The following GFPT1 variants were observed in gnomAD, a reference collection of about 807,000 sequenced individuals.
The protein encoded by GFPT1 is glutamine--fructose-6-phosphate aminotransferase [isomerizing] 1.
Under a neutral mutation model 92.0 loss-of-function variants are expected in GFPT1, and 40 were observed. That is an observed-to-expected ratio of 0.43 (90% CI 0.34 to 0.57). GFPT1 has a LOEUF of 0.57. Among genes scored for constraint, GFPT1 ranks in the 20% least tolerant of loss-of-function variants. The probability of loss-of-function intolerance (pLI) is 0.02; values close to 1 mark genes in which losing one functional copy is unlikely to be tolerated. For missense variants in GFPT1, 448 were observed against 869.1 expected, an observed-to-expected ratio of 0.52 and a Z score of 6.09; for synonymous variants, 269 against 280.6, an observed-to-expected ratio of 0.96 and a Z score of 0.41.
chr2:69,370,519 A>G (rs759337846), intron 2 of GFPT1, among the ~76,000 whole-genome samples: 51 of 152,228 alleles, frequency 3.4e-4, no homozygotes, highest in Non-Finnish European at 6.2e-4. Context: ...GGAATTTGAA[A>G]AAGCTACCCT....
chr2:69,387,057 C>G lies in GFPT1; in HGVS notation c.7+8G>C. 1 of 1,534,536 alleles carries G rather than the reference C, an allele frequency of 6.5e-7. No homozygotes were observed. The highest frequency in any genetic ancestry group is 8.7e-7 in the Non-Finnish European group (1 of 1,143,754). ...CGGCAACACGCCCCCCGCTCCCGGC[C>G]CCCTTACCACACATGATGCCGGAGA... On this transcript the variant is annotated splice_region_variant and intron_variant, in intron 1 of 19. Coordinates refer to ENST00000357308, the MANE Select transcript of GFPT1 (RefSeq NM_001244710.2).
chr2:69,340,525 A>G (rs1337583991), intron 13 of GFPT1, among the ~76,000 whole-genome samples: 1 of 152,198 alleles, frequency 6.6e-6, no homozygotes, highest in Middle Eastern at 3.2e-3. Context: ...AGTTATTTAT[A>G]TCCTACTGCT....
At chr2:69,366,098 G>A (rs895807489) in intron 3 of GFPT1, among the ~76,000 whole-genome samples, 2 of 151,746 alleles carry the variant, frequency 1.3e-5, no homozygotes, top group Non-Finnish European at 2.9e-5. Context: ...ACAGGCGTGA[G>A]CCACCACGCC....
At position 69,356,421 on chromosome 2, in the gene GFPT1, T is replaced by C. The variant is rs995639415; in HGVS notation, c.605+75A>G. 5.2e-4 allele frequency: 520 copies of C among 991,792 alleles called. 2 individuals carry two copies. The highest frequency in any genetic ancestry group is 4.9e-4 in the Non-Finnish European group (299 of 610,894). The allele number at this position is 991,792 out of a possible 1,614,324, so 61.4% of individuals were successfully genotyped here. On this transcript the variant is annotated intron_variant, in intron 7 of 19. Coordinates refer to ENST00000357308, the MANE Select transcript of GFPT1 (RefSeq NM_001244710.2). ...GCAGAGCCTTTATAATAAAGGGTCA[T>C]GTATAGTCTACGAAGAATAAACATG...
chr2:69,339,451 A>G (rs925814708), intron 13 of GFPT1, among the ~76,000 whole-genome samples: 2 of 152,176 alleles, frequency 1.3e-5, no homozygotes, highest in African/African-American at 4.8e-5. Context: ...TTTAACCTTC[A>G]TTTCAGTAAA....
chr2:69,371,979 A>T (rs1009280600), intron 2 of GFPT1, among the ~76,000 whole-genome samples: 1 of 151,688 alleles, frequency 6.6e-6, no homozygotes, highest in Admixed American at 6.6e-5. Context: ...AGGCGGGCAG[A>T]TCACGAGGTC....
At chr2:69,330,082 G>A (rs1031836822) in intron 15 of GFPT1, among the ~76,000 whole-genome samples, 1 of 152,206 alleles carries the variant, frequency 6.6e-6, no homozygotes, top group East Asian at 1.9e-4. Context: ...GCTGGGTGTG[G>A]TGGTGTGCAC....
intron 18 of GFPT1, among the ~76,000 whole-genome samples, chr2:69,327,776 A>C (rs1047471800): frequency 6.6e-6 from 1 of 152,192 alleles, no homozygotes; most frequent in East Asian, 1.9e-4. Context: ...GTTCTGCCCA[A>C]TATGAGATCT....
rs541862519 is a variant in GFPT1, at chr2:69,344,099, A to G, written c.1105+1805T>C. Among the ~76,000 whole-genome samples the G allele has an allele frequency of 2.7e-5, 4 of 147,998 alleles. No homozygotes were observed. In the South Asian group the frequency reaches 8.7e-4, roughly 32 times the overall value. On this transcript the variant is annotated intron_variant, in intron 12 of 19. Transcript: ENST00000357308. ...AGTGTTTTCCACAGACCTTGGCATT[A>G]ATTACAAATGTTTGAGAAGAAAGGA...
At chr2:69,381,839 C>A (rs577469801) in intron 1 of GFPT1, among the ~76,000 whole-genome samples, 10 of 150,458 alleles carry the variant, frequency 6.6e-5, no homozygotes, top group African/African-American at 2.5e-4. Flanking sequence ...CAGGTGTAAG[C>A]CAAAACACTG....
chr2:69,356,569 A>G lies in GFPT1; in HGVS notation c.544-12T>C. The G allele has an allele frequency of 6.2e-7, 1 of 1,600,636 alleles. No individual in the cohort carries two copies. The highest frequency in any genetic ancestry group is 8.6e-7 in the Non-Finnish European group (1 of 1,167,784). ...GCAAAAGCACCTTCCTAGGGAGGGA[A>G]AAAAATCCATTAGCACTATTTAATC... is the stretch of plus-strand genomic sequence containing the variant. On this transcript the variant is annotated splice_polypyrimidine_tract_variant and intron_variant, in intron 6 of 19. Coordinates refer to ENST00000357308, the MANE Select transcript of GFPT1 (RefSeq NM_001244710.2).
chr2:69,355,995 T>A (rs2104651063), intron 7 of GFPT1, among the ~76,000 whole-genome samples: 1 of 142,744 alleles, frequency 7.0e-6, no homozygotes, highest in South Asian at 2.3e-4. Context: ...TTTTTTTTTT[T>A]TTTTTTTTTT....
At chr2:69,369,847 A>G (rs369730247) in intron 3 of GFPT1, among the ~76,000 whole-genome samples, 154 bp downstream of exon 3, 2 of 152,230 alleles carry the variant, frequency 1.3e-5, no homozygotes, top group East Asian at 3.8e-4. Flanking sequence ...CCAGACAGTA[A>G]CAAAACTACT....
intron 1 of GFPT1, among the ~76,000 whole-genome samples, chr2:69,377,952 C>T (rs1182558757): frequency 6.6e-6 from 1 of 152,228 alleles, no homozygotes; most frequent in African/African-American, 2.4e-5. Flanking sequence ...GAGCAGAAAT[C>T]GTTAGTCTGA....
Position 69,338,062 on chromosome 2 carries a change from A to G in GFPT1, c.1325-7T>C, listed in dbSNP as rs758109423. On this transcript the variant is annotated splice_polypyrimidine_tract_variant and splice_region_variant and intron_variant, in intron 14 of 19. Coordinates refer to ENST00000357308, the MANE Select transcript of GFPT1 (RefSeq NM_001244710.2). ...AAAGTATCTGCTGTCTCACCTGTGTAAAAAGTAGGCCAACCATAACACACA... is the reference window on the plus strand; with the variant it reads ...AAAGTATCTGCTGTCTCACCTGTGTGAAAAGTAGGCCAACCATAACACACA... 1 of 1,613,886 alleles carries G rather than the reference A, an allele frequency of 6.2e-7. No homozygotes were observed. Among genetic ancestry groups the G allele is most frequent in the South Asian group, 1.1e-5 (1 of 91,078 alleles).
intron 10 of GFPT1, among the ~76,000 whole-genome samples, chr2:69,349,022 T>C (rs1052776054): frequency 1.3e-5 from 2 of 152,150 alleles, no homozygotes; most frequent in African/African-American, 4.8e-5. Context: ...CCTGTTAACC[T>C]AATTAACTCC....
At chr2:69,375,456 C>G (rs545094625) in intron 1 of GFPT1, among the ~76,000 whole-genome samples, 1 of 152,258 alleles carries the variant, frequency 6.6e-6, no homozygotes, top group Non-Finnish European at 1.5e-5. Context: ...AAAGCCATAA[C>G]ATACATGCTG....
intron 15 of GFPT1, among the ~76,000 whole-genome samples, chr2:69,331,918 T>C (rs1670672751): frequency 6.6e-6 from 1 of 152,218 alleles, no homozygotes; most frequent in Non-Finnish European, 1.5e-5. Flanking sequence ...ATATTTTTTC[T>C]CATCGTGGAC....
At chr2:69,339,113 C>T (rs959930783) in intron 13 of GFPT1, among the ~76,000 whole-genome samples, 1 of 152,172 alleles carries the variant, frequency 6.6e-6, no homozygotes, top group African/African-American at 2.4e-5. Flanking sequence ...AACATACCCA[C>T]ACATATAAAA....
Sources: gnomAD v4.1 joint callset for allele counts (sites outside exome capture counted in the v4.1 genomes callset) on GRCh38, gnomAD v4.1.1 for gene constraint, MANE v1.5 for transcripts, NCBI Gene and HGNC (gene_info 2026-07-23, HGNC 2026-07-21) for gene names.